The following TANGO6 variants were observed in gnomAD, a reference collection of about 807,000 sequenced individuals.
TANGO6 encodes the protein transport and golgi organization 6 homolog.
In TANGO6, 90 loss-of-function variants were observed where a neutral mutation model predicts 114.2. The observed-to-expected ratio is 0.79, with a 90% confidence interval of 0.66 to 0.94. The LOEUF (loss-of-function observed/expected upper bound fraction) is 0.94, where lower values mean the gene tolerates loss of function less well. TANGO6 is among the 40% of genes least tolerant of loss of function. The pLI, the probability that TANGO6 is intolerant of heterozygous loss-of-function variation, is 0.00. For synonymous variants in TANGO6, 477 were observed against 509.8 expected (o/e 0.94, Z 0.87); for missense variants, 1,274 against 1,315.3 (o/e 0.97, Z 0.49).
chr16:68,867,197 G>A lies in TANGO6; in HGVS notation c.971G>A (p.Arg324Gln), dbSNP rs374162312. ...MRPNGVQAVV[R>Q]GILEGAGAGA... Reference sequence around the variant, plus strand: ...CCTAATGGTGTTCAGGCAGTAGTCCGGGGCATTTTGGAAGGAGCAGGTGGT... The same window carrying A: ...CCTAATGGTGTTCAGGCAGTAGTCCAGGGCATTTTGGAAGGAGCAGGTGGT... Residue 324 changes from arginine (R) to glutamine (Q), a missense_variant, in exon 4 of 18, where the codon CGG (arginine) becomes CAG (glutamine). By Grantham distance (43) the Arg-to-Gln change is conservative. Coordinates refer to ENST00000261778, the MANE Select transcript of TANGO6 (RefSeq NM_024562.2). 293 of 1,613,708 alleles carry A rather than the reference G, an allele frequency of 1.8e-4. 3 individuals carry two copies. The highest frequency in any genetic ancestry group is 1.2e-3 in the Middle Eastern group (7 of 6,068).
intron 8 of TANGO6, among the ~76,000 whole-genome samples, chr16:68,901,376 C>T (rs1962782357): frequency 1.3e-5 from 2 of 152,214 alleles, no homozygotes; most frequent in South Asian, 4.1e-4. Context: ...CAGCTTGAGT[C>T]AGCACATCCT....
At chr16:69,005,184 A>G (rs1964081193) in intron 15 of TANGO6, among the ~76,000 whole-genome samples, 8 of 152,222 alleles carry the variant, frequency 5.3e-5, no homozygotes, top group Admixed American at 5.2e-4. Context: ...ACCACTCACA[A>G]CCAAGTGTCT....
At chr16:68,980,428 TATATATA>T (rs1162849690) in intron 15 of TANGO6, among the ~76,000 whole-genome samples, 21 of 103,354 alleles carry the variant, frequency 2.0e-4, no homozygotes, top group African/African-American at 8.1e-4. Context: ...TATATATATA[TATATATA>T]TTTTTTTTTT....
chr16:69,066,220 T>C (rs1371086818), intron 17 of TANGO6, among the ~76,000 whole-genome samples: 4 of 152,302 alleles, frequency 2.6e-5, no homozygotes, highest in South Asian at 2.1e-4. Flanking sequence ...CACTCTGCCT[T>C]TGGCTTCTCC....
At chr16:68,863,391 T>C (rs1962129555) in intron 3 of TANGO6, among the ~76,000 whole-genome samples, 1 of 152,134 alleles carries the variant, frequency 6.6e-6, no homozygotes, top group Admixed American at 6.6e-5. Flanking sequence ...GCGGATCACC[T>C]GAGGTCGTGA....
chr16:68,863,704 A>C (rs923751017), intron 3 of TANGO6, among the ~76,000 whole-genome samples: 2 of 152,246 alleles, frequency 1.3e-5, no homozygotes, highest in Admixed American at 6.5e-5. Flanking sequence ...GCTGTTTGAC[A>C]AAACATTCTT....
intron 14 of TANGO6, among the ~76,000 whole-genome samples, chr16:68,945,965 G>A (rs1179805759): frequency 8.5e-5 from 13 of 152,130 alleles, no homozygotes; most frequent in African/African-American, 1.9e-4. Context: ...GATTATAGGC[G>A]TGAGCCACTG....
intron 16 of TANGO6, among the ~76,000 whole-genome samples, chr16:69,030,780 G>A (rs912949067): frequency 2.6e-5 from 4 of 151,960 alleles, no homozygotes; most frequent in Non-Finnish European, 4.4e-5. Context: ...GGCCGGGCGC[G>A]GTGGCTCACG....
At chr16:68,962,683 C>A (rs887272832) in intron 14 of TANGO6, among the ~76,000 whole-genome samples, 1 of 151,940 alleles carries the variant, frequency 6.6e-6, no homozygotes, top group East Asian at 1.9e-4. Context: ...ATTGCTTGAA[C>A]CTGGGAGGCA....
chr16:68,844,749 G>A (rs1252836483), intron 1 of TANGO6, among the ~76,000 whole-genome samples: 1 of 152,062 alleles, frequency 6.6e-6, no homozygotes, highest in Admixed American at 6.6e-5. Flanking sequence ...GATCCCCTGG[G>A]ATCGGTACTA....
chr16:69,037,806 T>G (rs956940663), intron 16 of TANGO6, among the ~76,000 whole-genome samples: 1 of 152,234 alleles, frequency 6.6e-6, no homozygotes, highest in Admixed American at 6.5e-5. Context: ...CATGTTTGTC[T>G]GATAGATGCA....
At chr16:68,844,488 C>T (rs1961773335) in intron 1 of TANGO6, among the ~76,000 whole-genome samples, 1 of 152,048 alleles carries the variant, frequency 6.6e-6, no homozygotes, top group Admixed American at 6.6e-5. Flanking sequence ...TAGAGCTCTG[C>T]TTATCACTGG....
At chr16:68,982,630 CTTT>C (rs562523656) in intron 15 of TANGO6, among the ~76,000 whole-genome samples, 5 of 105,336 alleles carry the variant, frequency 4.7e-5, no homozygotes, top group African/African-American at 1.9e-4. Flanking sequence ...ATGCCCTGGC[CTTT>C]TTTTTTTTTT....
At chr16:68,969,011 C>T (rs975274265) in intron 14 of TANGO6, among the ~76,000 whole-genome samples, 3 of 152,168 alleles carry the variant, frequency 2.0e-5, no homozygotes, top group African/African-American at 7.2e-5. Context: ...CAATATTCTA[C>T]GCACTGCCTC....
intron 15 of TANGO6, among the ~76,000 whole-genome samples, chr16:68,996,060 G>A (rs1378537290): frequency 6.6e-6 from 1 of 152,136 alleles, no homozygotes; most frequent in Non-Finnish European, 1.5e-5. Flanking sequence ...CTGTAGCTGC[G>A]TACATTATAT....
At chr16:69,033,868 T>G (rs1959643050) in intron 16 of TANGO6, 1 of 169,468 alleles carries the variant, frequency 5.9e-6, no homozygotes, top group Non-Finnish European at 1.3e-5. Flanking sequence ...TGGTCAAGGA[T>G]ATGAAGATCA....
At position 68,911,901 on chromosome 16, in the gene TANGO6, C is replaced by G. The variant is rs546491770; in HGVS notation, c.1992+2499C>G. Among the ~76,000 whole-genome samples the G allele has an allele frequency of 1.5e-4, 23 of 152,264 alleles. No individual in the cohort carries two copies. The East Asian group carries it at 4.0e-3, about 27-fold the overall frequency. On this transcript the variant is annotated intron_variant, in intron 11 of 17. Transcript: ENST00000261778. Reference sequence around the variant, plus strand: ...CATATCTGTAGCACACTGGAGCCAACTTGAAGGGACTCCCATTGCCATAGA... The same window carrying G: ...CATATCTGTAGCACACTGGAGCCAAGTTGAAGGGACTCCCATTGCCATAGA...
intron 17 of TANGO6, among the ~76,000 whole-genome samples, chr16:69,075,321 T>A (rs1960358718): frequency 6.6e-6 from 1 of 152,178 alleles, no homozygotes. Flanking sequence ...CAATTCTAAA[T>A]GCAAATATAA....
chr16:68,867,420 A>G (rs1962195642), intron 4 of TANGO6, 200 bp downstream of exon 4: 2 of 586,208 alleles, frequency 3.4e-6, no homozygotes, highest in Non-Finnish European at 2.9e-6. Context: ...CTCTTTTCCT[A>G]AAACACTTGT....
Sources: gnomAD v4.1 joint callset for allele counts (sites outside exome capture counted in the v4.1 genomes callset) on GRCh38, gnomAD v4.1.1 for gene constraint, MANE v1.5 for transcripts, NCBI Gene and HGNC (gene_info 2026-07-23, HGNC 2026-07-21) for gene names.